NOD2: variants seen among roughly 807,000 people sequenced by gnomAD.
NOD2 encodes the protein nucleotide-binding oligomerization domain-containing protein 2.
A neutral mutation model predicts 90.9 loss-of-function variants in NOD2; 86 were observed. That is an observed-to-expected ratio of 0.95 (90% confidence interval 0.79 to 1.13). The LOEUF (loss-of-function observed/expected upper bound fraction) is 1.13, where lower values mean the gene tolerates loss of function less well. Among genes scored for constraint, NOD2 ranks in the 50% most tolerant of loss-of-function variants. The pLI is 0.00. For synonymous variants in NOD2, 581 were observed against 554.6 expected, an observed-to-expected ratio of 1.05 and a Z score of -0.67; for missense variants, 1,238 against 1,283.8, an observed-to-expected ratio of 0.96 and a Z score of 0.55.
At position 50,710,565 on chromosome 16, in the gene NOD2, A is replaced by G. The variant is rs778455499; in HGVS notation, c.573A>G (p.Thr191=). 1 of 1,614,176 alleles carries G rather than the reference A, an allele frequency of 6.2e-7. No homozygotes were observed. The highest frequency in any genetic ancestry group is 1.1e-5 in the South Asian group (1 of 91,084). Reference sequence around the variant, plus strand: ...TCTTCTTCTGCCTTCCAGCTGCCACATGCAAGAAGTATATGGCCAAGCTGA... The same window carrying G: ...TCTTCTTCTGCCTTCCAGCTGCCACGTGCAAGAAGTATATGGCCAAGCTGA... ...VPLALPLEAA[T]CKKYMAKLRT... is the part of the protein sequence containing the mutation. Residue 191 remains threonine, a synonymous_variant, in exon 4 of 12, where the codon ACA becomes ACG. Coordinates refer to ENST00000647318, the MANE Select transcript of NOD2 (RefSeq NM_001370466.1).
chr16:50,710,764 C>T lies in NOD2; in HGVS notation c.772C>T (p.Pro258Ser). Residue 258 changes from proline (P) to serine (S), a missense_variant, in exon 4 of 12, where the codon CCT becomes TCT. By Grantham distance (74) the Pro-to-Ser change is moderately conservative. Around this residue, in one of 3 missense-constraint regions of NOD2, gnomAD observed 567 missense variants for 577.3 expected, o/e 0.98. Coordinates refer to ENST00000647318, the MANE Select transcript of NOD2 (RefSeq NM_001370466.1). ...TLGLEELFST[P>S]GHLNDDADTV... ...GGGCCTGGAGGAGCTCTTCAGCACC[C>T]CTGGCCACCTCAATGACGATGCGGA... 2.5e-6 allele frequency: 4 copies of T among 1,614,074 alleles called. No individual in the cohort carries two copies. Among genetic ancestry groups the T allele is most frequent in the Non-Finnish European group, 3.4e-6 (4 of 1,180,004 alleles).
chr16:50,720,051 G>C, intron 7 of NOD2, 43 bp downstream of exon 7: 2 of 1,576,546 alleles, frequency 1.3e-6, no homozygotes, highest in East Asian at 4.5e-5. Flanking sequence ...GGAGGGGCTT[G>C]GGACTTTTGA....
chr16:50,723,454 T>C, intron 9 of NOD2, 70 bp downstream of exon 9: 5 of 1,387,242 alleles, frequency 3.6e-6, no homozygotes, highest in Non-Finnish European at 5.1e-6. Context: ...GCCTCATCCA[T>C]AGGAGCGGTT....
intron 2 of NOD2, 80 bp from the exon 3 acceptor site, chr16:50,707,775 A>T: frequency 1.1e-6 from 1 of 932,164 alleles, no homozygotes; most frequent in East Asian, 2.4e-5. Context: ...GATGCTTATG[A>T]AGTTGCAGTA....
chr16:50,720,326 C>T (rs553225450), intron 7 of NOD2, among the ~76,000 whole-genome samples: 51 of 152,316 alleles, frequency 3.3e-4, no homozygotes, highest in African/African-American at 1.0e-3. Flanking sequence ...CTTCTAAACA[C>T]TATTGCCAGG....
At chr16:50,716,841 C>A (rs1964821868) in intron 5 of NOD2, 50 bp from the exon 6 acceptor site, 2 of 1,577,642 alleles carry the variant, frequency 1.3e-6, no homozygotes, top group Non-Finnish European at 1.7e-6. Context: ...TTGGTGCTCA[C>A]TGTCCAATGT....
intron 10 of NOD2, among the ~76,000 whole-genome samples, chr16:50,726,489 ACT>A (rs1965269797): frequency 6.6e-6 from 1 of 152,234 alleles, no homozygotes; most frequent in Non-Finnish European, 1.5e-5. Flanking sequence ...AAACACTTCC[ACT>A]AATTATTTGG....
Position 50,723,282 on chromosome 16 carries a change from G to A in NOD2, c.2718-19G>A, listed in dbSNP as rs202059016. On this transcript the variant is annotated intron_variant, in intron 8 of 11. Transcript: ENST00000647318. The stretch of plus-strand genomic sequence containing the variant: ...TCTTTCCCTGCTCTGACATACTTTT[G>A]TTCCATGATTACCTCCAGCCTGGTG... 46 of 1,611,664 alleles carry A rather than the reference G, an allele frequency of 2.9e-5. No individual in the cohort carries two copies. In the African/African-American group the frequency reaches 4.8e-4, roughly 17 times the overall value.
At chr16:50,724,264 T>C (rs1239465752) in intron 9 of NOD2, among the ~76,000 whole-genome samples, 1 of 152,224 alleles carries the variant, frequency 6.6e-6, no homozygotes, top group Non-Finnish European at 1.5e-5. Flanking sequence ...GTTGCAGGGC[T>C]TACTAGCTCT....
At chr16:50,718,467 C>T (rs1964898881) in intron 6 of NOD2, among the ~76,000 whole-genome samples, 1 of 152,218 alleles carries the variant, frequency 6.6e-6, no homozygotes, top group Non-Finnish European at 1.5e-5. Context: ...AATTGTTTAT[C>T]TCTAGAATTT....
intron 11 of NOD2, among the ~76,000 whole-genome samples, chr16:50,731,192 C>T (rs531480200): frequency 6.6e-6 from 1 of 152,242 alleles, no homozygotes; most frequent in South Asian, 2.1e-4. Context: ...AAAGTGACTT[C>T]AAAAATCTAT....
At chr16:50,699,021 G>A (rs1020741541) in intron 1 of NOD2, among the ~76,000 whole-genome samples, 6 of 150,890 alleles carry the variant, frequency 4.0e-5, no homozygotes, top group South Asian at 4.2e-4. Context: ...TCTGCCTCCC[G>A]GGTTCAAGTG....
intron 7 of NOD2, among the ~76,000 whole-genome samples, chr16:50,721,512 G>GA (rs1965060515): frequency 6.6e-6 from 1 of 151,462 alleles, no homozygotes; most frequent in Admixed American, 6.6e-5. Flanking sequence ...AATATTTACA[G>GA]AAAGGGTCTC....
chr16:50,698,415 G>A (rs1963763287), intron 1 of NOD2, among the ~76,000 whole-genome samples: 1 of 152,202 alleles, frequency 6.6e-6, no homozygotes, highest in Non-Finnish European at 1.5e-5. Context: ...GTTGATGGGG[G>A]ACAAGGCACC....
intron 10 of NOD2, among the ~76,000 whole-genome samples, chr16:50,726,286 G>A (rs1965262113): frequency 6.6e-6 from 1 of 150,838 alleles, no homozygotes; most frequent in African/African-American, 2.5e-5. Flanking sequence ...AACCCCATCA[G>A]ATGGCTCCTT....
chr16:50,723,234 C>A, intron 8 of NOD2, 67 bp from the exon 9 acceptor site: 1 of 1,451,178 alleles, frequency 6.9e-7, no homozygotes, highest in Non-Finnish European at 9.6e-7. Flanking sequence ...TTTTGCCCTC[C>A]ATAGGTTAGC....
chr16:50,708,069 T>A, intron 3 of NOD2, 109 bp downstream of exon 3: 1 of 774,862 alleles, frequency 1.3e-6, no homozygotes, highest in Non-Finnish European at 2.3e-6. Context: ...CAGTATAGCC[T>A]CCCTATGACT....
rs1184834264 is a variant in NOD2, at chr16:50,723,391, T to C, written c.2801+7T>C. The C allele has an allele frequency of 1.2e-6, 2 of 1,613,092 alleles. No individual in the cohort carries two copies. Among genetic ancestry groups the C allele is most frequent in the African/African-American group, 1.3e-5 (1 of 74,932 alleles). ...TCATGCTAGAAGAACTCTGGTGAGT[T>C]TGGGGGATTCTCTGCTCTGGGGAAG... On this transcript the variant is annotated splice_region_variant and intron_variant, in intron 9 of 11. Coordinates refer to ENST00000647318, the MANE Select transcript of NOD2 (RefSeq NM_001370466.1).
chr16:50,701,753 G>A (rs1741289867), intron 2 of NOD2, among the ~76,000 whole-genome samples: 1 of 152,134 alleles, frequency 6.6e-6, no homozygotes, highest in African/African-American at 2.4e-5. Context: ...GATTGGTGAA[G>A]AAAAGAAATG....
Sources: allele counts gnomAD v4.1 joint callset (sites outside exome capture counted in the v4.1 genomes callset), GRCh38; gene constraint gnomAD v4.1.1; regional missense constraint gnomAD v4.1.1; transcripts MANE v1.5; gene names NCBI Gene and HGNC (gene_info 2026-07-23, HGNC 2026-07-21).